CHD6: variants seen among roughly 807,000 people sequenced by gnomAD.
CHD6 encodes the protein chromodomain helicase DNA binding protein 6.
A neutral mutation model predicts 276.9 loss-of-function variants in CHD6; 50 were observed. The observed-to-expected ratio is 0.18, with a 90% CI of 0.14 to 0.23. The LOEUF (loss-of-function observed/expected upper bound fraction) is 0.23. CHD6 is among the 10% of genes least tolerant of loss of function. The pLI is 1.00. For synonymous variants in CHD6, 1,173 were observed against 1,229.3 expected (o/e 0.95, Z 0.96); for missense variants, 2,564 against 3,365.8 (o/e 0.76, Z 5.89).
intron 16 of CHD6, among the ~76,000 whole-genome samples, chr20:41,477,517 GA>G (rs200024691): frequency 7.3e-5 from 11 of 150,252 alleles, no homozygotes; most frequent in African/African-American, 2.4e-4. Context: ...AGACTTAAAT[GA>G]AAAAAAAATC....
intron 1 of CHD6, among the ~76,000 whole-genome samples, chr20:41,576,334 G>A (rs947493976): frequency 6.6e-6 from 1 of 152,220 alleles, no homozygotes; most frequent in Non-Finnish European, 1.5e-5. Flanking sequence ...TATATGTAGC[G>A]AATCAATCCC....
intron 27 of CHD6, among the ~76,000 whole-genome samples, chr20:41,432,595 C>A (rs967647542): frequency 3.9e-5 from 6 of 152,116 alleles, no homozygotes; most frequent in South Asian, 2.1e-4. Context: ...AGGTGCCCCC[C>A]CCGACCTCTG....
chr20:41,434,226 T>C (rs2047631334), intron 27 of CHD6, among the ~76,000 whole-genome samples: 1 of 152,148 alleles, frequency 6.6e-6, no homozygotes, highest in South Asian at 2.1e-4. Flanking sequence ...AATAAAAAAG[T>C]TATATTTATG....
At chr20:41,405,547 G>A in intron 36 of CHD6, 58 bp from the exon 37 acceptor site, 6 of 1,352,148 alleles carry the variant, frequency 4.4e-6, no homozygotes, top group Non-Finnish European at 6.1e-6. Flanking sequence ...GTGGTCAGCT[G>A]AGGGTGATGA....
rs374897648 is a variant in CHD6 at position 41,605,519 on chromosome 20, CAA to C, written c.-24+12819_-24+12820del. Among the ~76,000 whole-genome samples the C allele has an allele frequency of 5.3e-4, 80 of 152,274 alleles. No homozygotes were observed. The East Asian group carries it at 0.013, about 24-fold the overall frequency. ...TCCTGAGTTATTATATAAATTAACA[CAA>C]GTTAGATGTTATTTTTAACATAAAC... is the stretch of plus-strand genomic sequence containing the variant. On this transcript the variant is annotated intron_variant, in intron 1 of 36. Coordinates refer to ENST00000373233, the MANE Select transcript of CHD6 (RefSeq NM_032221.5).
chr20:41,575,529 C>T, intron 1 of CHD6, among the ~76,000 whole-genome samples: 1 of 152,154 alleles, frequency 6.6e-6, no homozygotes, highest in Non-Finnish European at 1.5e-5. Context: ...AGACTGGTGC[C>T]AAAGGAGGGC....
intron 7 of CHD6, 142 bp from the exon 8 acceptor site, chr20:41,497,643 A>G (rs1051941625): frequency 4.3e-6 from 3 of 700,796 alleles, no homozygotes; most frequent in Non-Finnish European, 7.8e-6. Context: ...TGGGCTTAGA[A>G]AGACCTTCCC....
At chr20:41,572,251 T>C (rs2045425530) in intron 1 of CHD6, among the ~76,000 whole-genome samples, 1 of 152,176 alleles carries the variant, frequency 6.6e-6, no homozygotes, top group African/African-American at 2.4e-5. Context: ...GTCTTTTGGG[T>C]TCAAAAGCGC....
At chr20:41,444,046 T>C (rs992875288) in intron 25 of CHD6, among the ~76,000 whole-genome samples, 2 of 152,212 alleles carry the variant, frequency 1.3e-5, no homozygotes, top group Admixed American at 1.3e-4. Context: ...GACTTGGCAA[T>C]GTGCCCTAAA....
At chr20:41,542,380 A>G (rs2044960214) in intron 2 of CHD6, among the ~76,000 whole-genome samples, 1 of 152,174 alleles carries the variant, frequency 6.6e-6, no homozygotes, top group Admixed American at 6.5e-5. Context: ...ATAAACCAGG[A>G]CCCCGGCCTA....
At chr20:41,413,600 G>C (rs755503260) in intron 34 of CHD6, 85 bp from the exon 35 acceptor site, 77 of 1,155,866 alleles carry the variant, frequency 6.7e-5, no homozygotes, top group Middle Eastern at 5.8e-4. Flanking sequence ...GGTGTTATTT[G>C]AATCACTCCA....
intron 31 of CHD6, among the ~76,000 whole-genome samples, chr20:41,418,098 CA>C (rs1188351686): frequency 6.6e-6 from 1 of 152,168 alleles, no homozygotes; most frequent in Non-Finnish European, 1.5e-5. Flanking sequence ...CAATGTGCAA[CA>C]AGTCTCCTAG....
At chr20:41,465,300 G>C (rs528117952) in intron 17 of CHD6, among the ~76,000 whole-genome samples, 1 of 152,186 alleles carries the variant, frequency 6.6e-6, no homozygotes, top group Non-Finnish European at 1.5e-5. Flanking sequence ...TACATCACGA[G>C]TAATAAGATG....
chr20:41,615,524 A>G (rs1349481324), intron 1 of CHD6, among the ~76,000 whole-genome samples: 2 of 152,256 alleles, frequency 1.3e-5, no homozygotes, highest in Non-Finnish European at 2.9e-5. Context: ...GCAATGAAGT[A>G]TAAGAGAATC....
At chr20:41,456,287 A>G (rs2048375329) in intron 18 of CHD6, among the ~76,000 whole-genome samples, 1 of 152,086 alleles carries the variant, frequency 6.6e-6, no homozygotes, top group Non-Finnish European at 1.5e-5. Flanking sequence ...TGAAGATGGT[A>G]CTTTTGACAT....
At chr20:41,518,684 AAG>A (rs1256022159) in intron 3 of CHD6, among the ~76,000 whole-genome samples, 1 of 152,194 alleles carries the variant, frequency 6.6e-6, no homozygotes, top group Non-Finnish European at 1.5e-5. Flanking sequence ...TTGGCAAGAC[AAG>A]CCATTTTAAG....
chr20:41,578,210 C>T (rs1031140342), intron 1 of CHD6, among the ~76,000 whole-genome samples: 2 of 151,958 alleles, frequency 1.3e-5, no homozygotes, highest in Non-Finnish European at 2.9e-5. Context: ...TGCAGAAACA[C>T]GACTCTAGAT....
intron 1 of CHD6, among the ~76,000 whole-genome samples, chr20:41,596,039 T>C (rs1446823770): frequency 6.6e-6 from 1 of 151,910 alleles, no homozygotes; most frequent in Non-Finnish European, 1.5e-5. Flanking sequence ...TTAGACAACC[T>C]TCCCCCACCC....
At chr20:41,457,843 T>C (rs1020188291) in intron 17 of CHD6, among the ~76,000 whole-genome samples, 1 of 152,130 alleles carries the variant, frequency 6.6e-6, no homozygotes, top group Admixed American at 6.5e-5. Context: ...TAGATCAAAA[T>C]ATAGGGAAGT....
Sources: gnomAD v4.1 joint callset for allele counts (sites outside exome capture counted in the v4.1 genomes callset) on GRCh38, gnomAD v4.1.1 for gene constraint, MANE v1.5 for transcripts, NCBI Gene and HGNC (gene_info 2026-07-23, HGNC 2026-07-21) for gene names.